Variants in CHRM5 observed in about 807,000 individuals in gnomAD.
CHRM5 encodes cholinergic receptor muscarinic 5.
Under a neutral mutation model 39.0 loss-of-function variants are expected in CHRM5, and 18 were observed. The ratio of observed to expected loss-of-function variants is 0.46; its 90% confidence interval spans 0.32 to 0.68. The LOEUF is 0.68. Among genes scored for constraint, CHRM5 ranks in the 30% least tolerant of loss-of-function variants. The pLI is 0.04. For synonymous variants in CHRM5, 241 were observed against 246.3 expected (o/e 0.98, Z 0.20); for missense variants, 515 against 651.1 (o/e 0.79, Z 2.28).
intron 1 of CHRM5, among the ~76,000 whole-genome samples, chr15:34,001,366 T>C (rs1357771718): frequency 6.6e-6 from 1 of 152,142 alleles, no homozygotes; most frequent in Non-Finnish European, 1.5e-5. Flanking sequence ...TGAAGTATCT[T>C]TTTTTTGACA....
intron 1 of CHRM5, among the ~76,000 whole-genome samples, chr15:34,010,679 T>A (rs1897600565): frequency 6.6e-6 from 1 of 152,156 alleles, no homozygotes; most frequent in African/African-American, 2.4e-5. Context: ...AAAGAACACA[T>A]TTAAGGAAAC....
intron 1 of CHRM5, among the ~76,000 whole-genome samples, chr15:33,983,972 T>C (rs1896309579): frequency 6.6e-6 from 1 of 151,120 alleles, no homozygotes; most frequent in East Asian, 1.9e-4. Context: ...AGGGACATTC[T>C]ACAATATGGT....
intron 1 of CHRM5, among the ~76,000 whole-genome samples, chr15:33,974,015 T>C (rs1567442202): frequency 6.6e-6 from 1 of 152,154 alleles, no homozygotes; most frequent in Non-Finnish European, 1.5e-5. Flanking sequence ...AAATAATAGC[T>C]ATAAGGAGAT....
chr15:33,999,767 C>CA (rs1221848902), intron 1 of CHRM5, among the ~76,000 whole-genome samples: 1 of 152,152 alleles, frequency 6.6e-6, no homozygotes, highest in Non-Finnish European at 1.5e-5. Flanking sequence ...CTAGTAGTAG[C>CA]AGTGGCTTCC....
rs1222898703 is a variant in CHRM5, at chr15:34,066,104, A to G, written c.*1788A>G. On this transcript the variant is annotated 3_prime_UTR_variant, in exon 3 of 3. Coordinates refer to ENST00000383263, the MANE Select transcript of CHRM5 (RefSeq NM_012125.4). ...TCCCTTATAAAGACTTCACGTTGAC[A>G]TGAAACATCTTGTAAGCAGTGCATC... 1 of 152,264 alleles carries G rather than the reference A, an allele frequency of 6.6e-6. No homozygotes were observed. Among genetic ancestry groups the G allele is most frequent in the Non-Finnish European group, 1.5e-5 (1 of 68,064 alleles). 9.4% of individuals were successfully genotyped at this position (152,264 alleles called of 1,614,324 possible). A position where few individuals can be genotyped will look rare whatever the true frequency, so the allele number is the denominator to read the frequency against.
chr15:34,041,272 T>G (rs1292260164), intron 1 of CHRM5, among the ~76,000 whole-genome samples: 1 of 152,154 alleles, frequency 6.6e-6, no homozygotes, highest in Non-Finnish European at 1.5e-5. Context: ...TCACCCTGGA[T>G]GAGAACCACT....
intron 1 of CHRM5, chr15:34,007,065 T>C: frequency 1.0e-6 from 1 of 984,582 alleles, no homozygotes; most frequent in Non-Finnish European, 1.2e-6. Flanking sequence ...CGGTCACTGG[T>C]TGCATTGTTC....
chr15:34,021,188 TC>T (rs1898184522), intron 1 of CHRM5, among the ~76,000 whole-genome samples: 1 of 152,216 alleles, frequency 6.6e-6, no homozygotes, highest in South Asian at 2.1e-4. Flanking sequence ...TGCATCTTTT[TC>T]TTTTTCTTTT....
Position 34,062,712 on chromosome 15 carries a change from A to G in CHRM5, c.-6A>G. On this transcript the variant is annotated 5_prime_UTR_variant, in exon 3 of 3. Coordinates refer to ENST00000383263, the MANE Select transcript of CHRM5 (RefSeq NM_012125.4). Reference sequence around the variant, plus strand: ...ACACTATTTACTGTAAAATTTTTGCACCAGGATGGAAGGGGATTCTTACCA... The same window carrying G: ...ACACTATTTACTGTAAAATTTTTGCGCCAGGATGGAAGGGGATTCTTACCA... 1 of 1,599,200 alleles carries G rather than the reference A, an allele frequency of 6.3e-7. No individual in the cohort carries two copies. Among genetic ancestry groups the G allele is most frequent in the Non-Finnish European group, 8.5e-7 (1 of 1,171,536 alleles).
At chr15:34,043,410 T>C (rs1899559515) in intron 1 of CHRM5, among the ~76,000 whole-genome samples, 1 of 152,232 alleles carries the variant, frequency 6.6e-6, no homozygotes. Context: ...GCAGATTTTC[T>C]ATAGTTTAGC....
At chr15:34,055,360 C>T (rs1280656691) in intron 2 of CHRM5, among the ~76,000 whole-genome samples, 1 of 151,790 alleles carries the variant, frequency 6.6e-6, no homozygotes, top group Non-Finnish European at 1.5e-5. Flanking sequence ...TTATAATTAT[C>T]TGTGTGTGGT....
intron 1 of CHRM5, among the ~76,000 whole-genome samples, chr15:34,014,707 C>T (rs895020436): frequency 6.6e-6 from 1 of 152,142 alleles, no homozygotes; most frequent in Non-Finnish European, 1.5e-5. Flanking sequence ...GTTCAGCGGG[C>T]CCATCTGGGA....
chr15:34,038,930 G>A (rs976530097), intron 1 of CHRM5: 1 of 1,020,006 alleles, frequency 9.8e-7, no homozygotes. Flanking sequence ...CGCCTCCGCC[G>A]CCGCCTCTGG....
At chr15:34,014,197 T>A (rs11635479) in intron 1 of CHRM5, among the ~76,000 whole-genome samples, 22,542 of 151,776 alleles carry the variant, frequency 0.15, 2,080 homozygotes, top group Middle Eastern at 0.28. Context: ...ACCCCATCTC[T>A]ACTAAAAATA....
At chr15:34,039,148 G>T in intron 1 of CHRM5, 1 of 970,658 alleles carries the variant, frequency 1.0e-6, no homozygotes, top group Non-Finnish European at 1.2e-6. Flanking sequence ...CGAGCGAAAG[G>T]CGCCCGGTAG....
chr15:34,038,832 G>A, intron 1 of CHRM5: 1 of 1,189,226 alleles, frequency 8.4e-7, no homozygotes, highest in African/African-American at 1.6e-5. Flanking sequence ...GCTGCCTCGC[G>A]GGGCGCCTCC....
At chr15:34,047,441 C>G (rs1350786241) in intron 2 of CHRM5, among the ~76,000 whole-genome samples, 3 of 152,180 alleles carry the variant, frequency 2.0e-5, no homozygotes, top group East Asian at 3.9e-4. Flanking sequence ...TCCATCTGCA[C>G]ATACCCCTAG....
intron 1 of CHRM5, among the ~76,000 whole-genome samples, chr15:33,998,761 T>C (rs1202296229): frequency 1.3e-5 from 2 of 152,216 alleles, no homozygotes; most frequent in African/African-American, 2.4e-5. Context: ...TTAAAGACAC[T>C]ACACTCTCTG....
intron 1 of CHRM5, among the ~76,000 whole-genome samples, chr15:34,012,873 T>C (rs1243819384): frequency 1.3e-5 from 2 of 152,218 alleles, no homozygotes; most frequent in Non-Finnish European, 2.9e-5. Context: ...TGGGGTTATG[T>C]TTACTCTTCA....
Sources: gnomAD v4.1 joint callset for allele counts (sites outside exome capture counted in the v4.1 genomes callset) on GRCh38, gnomAD v4.1.1 for gene constraint, MANE v1.5 for transcripts, NCBI Gene and HGNC (gene_info 2026-07-23, HGNC 2026-07-21) for gene names.